Variants in OXSR1 observed in about 807,000 individuals in gnomAD.
OXSR1 encodes oxidative stress responsive kinase 1.
In OXSR1, 24 loss-of-function variants were observed where a neutral mutation model predicts 79.8. The observed-to-expected ratio is 0.30, with a 90% CI of 0.22 to 0.42. The LOEUF is 0.42. Among genes scored for constraint, OXSR1 ranks in the 10% least tolerant of loss-of-function variants. OXSR1 has a pLI of 1.00. For missense variants in OXSR1, 430 were observed against 618.4 expected (o/e 0.70, Z 3.23); for synonymous variants, 226 against 209.2 (o/e 1.08, Z -0.69).
intron 12 of OXSR1, among the ~76,000 whole-genome samples, chr3:38,244,052 C>T (rs1703088647): frequency 6.6e-6 from 1 of 152,196 alleles, no homozygotes; most frequent in Non-Finnish European, 1.5e-5. Flanking sequence ...GTCCAATAAA[C>T]AACTGTTGTT....
chr3:38,249,020 G>C (rs1312548789), intron 14 of OXSR1, among the ~76,000 whole-genome samples: 1 of 152,130 alleles, frequency 6.6e-6, no homozygotes, highest in Admixed American at 6.5e-5. Flanking sequence ...ACATGCAGAA[G>C]TATAAGTTTG....
chr3:38,244,674 C>T (rs1307141522), intron 12 of OXSR1, among the ~76,000 whole-genome samples: 1 of 12,342 alleles, frequency 8.1e-5, no homozygotes, highest in Admixed American at 8.2e-4. Context: ...TGTGCGTGCG[C>T]ATGTACCACA....
chr3:38,182,986 TATGTATTTG>T lies in OXSR1; in HGVS notation c.71-16_71-8del. ...ATATCCATCTACTTATTTACTCTTT[TATGTATTTG>T]TTTTTAGGGAGTGGAGCAACTGCTG... On this transcript the variant is annotated splice_polypyrimidine_tract_variant and splice_region_variant and intron_variant, in intron 1 of 17. Coordinates refer to ENST00000311806, the MANE Select transcript of OXSR1 (RefSeq NM_005109.3). 1 of 1,380,796 alleles carries T rather than the reference TATGTATTTG, an allele frequency of 7.2e-7. No homozygotes were observed. The highest frequency in any genetic ancestry group is 1.0e-6 in the Non-Finnish European group (1 of 975,186). The allele number at this position is 1,380,796 out of a possible 1,614,324, so 85.5% of individuals were successfully genotyped here. A position where few individuals can be genotyped will look rare whatever the true frequency, so the allele number is the denominator to read the frequency against.
In OXSR1 at chr3:38,236,910, T is replaced by C; in HGVS notation, c.1023T>C (p.Asp341=). 3 of 1,612,816 alleles carry C rather than the reference T, an allele frequency of 1.9e-6. No individual in the cohort carries two copies. Among genetic ancestry groups the C allele is most frequent in the Non-Finnish European group, 2.5e-6 (3 of 1,179,104 alleles). Residue 341 remains aspartate (D), a synonymous_variant, in exon 11 of 18, where the codon GAT becomes GAC. Transcript: ENST00000311806. ...TEDGGWEWSD[D]EFDEESEEGK... ...ATGGAGGCTGGGAGTGGAGTGATGA[T>C]GAATTTGATGAAGAAAGTGAGGAAG...
Position 38,246,206 on chromosome 3 carries a change from A to C in OXSR1, c.1242A>C (p.Pro414=), listed in dbSNP as rs1446380674. 5 of 1,613,650 alleles carry C rather than the reference A, an allele frequency of 3.1e-6. No individual in the cohort carries two copies. Among genetic ancestry groups the C allele is most frequent in the Non-Finnish European group, 4.2e-6 (5 of 1,179,784 alleles). The change falls in exon 13 of 18, where the codon CCA becomes CCC. Residue 414 remains proline (P), a synonymous_variant. Coordinates refer to ENST00000311806, the MANE Select transcript of OXSR1 (RefSeq NM_005109.3). Reference sequence around the variant, plus strand: ...TCTCTCTCCCACCCACCGCAGAGCCAGCAAAAACAGCTCAGGTAAAGCCGG... The same window carrying C: ...TCTCTCTCCCACCCACCGCAGAGCCCGCAAAAACAGCTCAGGTAAAGCCGG... ...TQVSLPPTAE[P]AKTAQALSSG...
chr3:38,193,841 A>G (rs758456882), intron 3 of OXSR1, among the ~76,000 whole-genome samples: 2 of 152,176 alleles, frequency 1.3e-5, no homozygotes, highest in Non-Finnish European at 2.9e-5. Flanking sequence ...AACTCTTTTT[A>G]TAAGTGCCTA....
chr3:38,169,252 T>A (rs1342340647), intron 1 of OXSR1, among the ~76,000 whole-genome samples: 1 of 152,164 alleles, frequency 6.6e-6, no homozygotes, highest in Non-Finnish European at 1.5e-5. Flanking sequence ...TTTGGTGAAA[T>A]ATCTATTCAA....
chr3:38,230,255 C>A, intron 9 of OXSR1, 110 bp from the exon 10 acceptor site: 1 of 721,374 alleles, frequency 1.4e-6, no homozygotes, highest in Non-Finnish European at 2.5e-6. Flanking sequence ...TCTCACACTT[C>A]ATTACAGAAC....
In OXSR1 at chr3:38,165,776, C is replaced by T. The variant is rs34526897; in HGVS notation, c.-101C>T. 5.6e-6 allele frequency: 4 copies of T among 709,994 alleles called. No homozygotes were observed. The highest frequency in any genetic ancestry group is 2.2e-5 in the South Asian group (1 of 45,374). The allele number at this position is 709,994 out of a possible 1,614,324, so 44.0% of individuals were successfully genotyped here. On this transcript the variant is annotated 5_prime_UTR_variant, in exon 1 of 18. Coordinates refer to ENST00000311806, the MANE Select transcript of OXSR1 (RefSeq NM_005109.3). ...TGTTCCGAGACGATTGGTGGGGGCG[C>T]GGCGGCGGCGGCGGCGGCTGTTGGG... is the stretch of plus-strand genomic sequence containing the variant.
At chr3:38,183,418 A>C (rs1477470599) in intron 2 of OXSR1, among the ~76,000 whole-genome samples, 2 of 152,128 alleles carry the variant, frequency 1.3e-5, no homozygotes, top group East Asian at 3.8e-4. Context: ...TTATCATAGA[A>C]CTTTTTCTGT....
At chr3:38,174,384 C>A (rs780416698) in intron 1 of OXSR1, among the ~76,000 whole-genome samples, 5 of 152,082 alleles carry the variant, frequency 3.3e-5, no homozygotes, top group Non-Finnish European at 5.9e-5. Flanking sequence ...GAGTTTGAGA[C>A]CAGCCTGGCC....
chr3:38,201,650 T>C (rs1457275404), intron 4 of OXSR1, among the ~76,000 whole-genome samples: 1 of 151,666 alleles, frequency 6.6e-6, no homozygotes, highest in African/African-American at 2.4e-5. Context: ...ACGGAGCTTG[T>C]GGTGAGCCGA....
intron 16 of OXSR1, 98 bp downstream of exon 16, chr3:38,251,569 G>A (rs1399037392): frequency 1.1e-6 from 1 of 894,292 alleles, no homozygotes; most frequent in African/African-American, 1.6e-5. Context: ...TAGGTCTGAT[G>A]GTTCTTGAAA....
chr3:38,197,233 A>G (rs570820610), intron 3 of OXSR1, among the ~76,000 whole-genome samples: 3 of 152,250 alleles, frequency 2.0e-5, no homozygotes, highest in Non-Finnish European at 4.4e-5. Flanking sequence ...TCTGGAAGCT[A>G]TCTGGAGAGT....
intron 11 of OXSR1, among the ~76,000 whole-genome samples, chr3:38,240,274 T>A (rs145648586): frequency 1.5e-3 from 221 of 152,250 alleles, no homozygotes; most frequent in African/African-American, 5.2e-3. Context: ...TCAGAAACTC[T>A]TGTAGGATTG....
intron 14 of OXSR1, among the ~76,000 whole-genome samples, chr3:38,249,417 A>G (rs547848887): frequency 1.3e-5 from 2 of 152,250 alleles, no homozygotes; most frequent in African/African-American, 4.8e-5. Context: ...TAAATCCTGC[A>G]TATCTGTTAA....
At chr3:38,248,282 A>G (rs1559529635) in intron 14 of OXSR1, among the ~76,000 whole-genome samples, 1 of 151,926 alleles carries the variant, frequency 6.6e-6, no homozygotes, top group Non-Finnish European at 1.5e-5. Flanking sequence ...GTCCTGACAG[A>G]TTGCTCAGCA....
chr3:38,176,146 A>G (rs1208067982), intron 1 of OXSR1, among the ~76,000 whole-genome samples: 1 of 152,152 alleles, frequency 6.6e-6, no homozygotes, highest in African/African-American at 2.4e-5. Context: ...TTTTACAAAT[A>G]ACTTTTGTTT....
intron 4 of OXSR1, among the ~76,000 whole-genome samples, chr3:38,215,757 T>C (rs1302347286): frequency 6.6e-6 from 1 of 152,212 alleles, no homozygotes; most frequent in Non-Finnish European, 1.5e-5. Context: ...CTGATGATTT[T>C]AAAAATTTGA....
Sources: gnomAD v4.1 joint callset for allele counts (sites outside exome capture counted in the v4.1 genomes callset) on GRCh38, gnomAD v4.1.1 for gene constraint, MANE v1.5 for transcripts, NCBI Gene and HGNC (gene_info 2026-07-23, HGNC 2026-07-21) for gene names.